ZNF804B: variants seen among roughly 807,000 people sequenced by gnomAD.
ZNF804B encodes the protein zinc finger 804B.
Under a neutral mutation model 101.4 loss-of-function variants are expected in ZNF804B, and 80 were observed. The observed-to-expected ratio is 0.79, with a 90% confidence interval of 0.66 to 0.95. ZNF804B has a LOEUF of 0.95. Among genes scored for constraint, ZNF804B ranks in the 40% least tolerant of loss-of-function variants. ZNF804B has a pLI of 0.00. For synonymous variants in ZNF804B, 622 were observed against 558.8 expected, an observed-to-expected ratio of 1.11 and a Z score of -1.59; for missense variants, 1,673 against 1,561.9, an observed-to-expected ratio of 1.07 and a Z score of -1.20.
chr7:88,930,258 A>T (rs746279419), intron 1 of ZNF804B, among the ~76,000 whole-genome samples: 10 of 151,970 alleles, frequency 6.6e-5, no homozygotes, highest in Non-Finnish European at 1.3e-4. Flanking sequence ...TTATTTGATT[A>T]TGTGTTGGGA....
chr7:88,812,573 A>T (rs1347095821), intron 1 of ZNF804B, among the ~76,000 whole-genome samples: 1 of 152,198 alleles, frequency 6.6e-6, no homozygotes, highest in Non-Finnish European at 1.5e-5. Flanking sequence ...CCATGTTTAT[A>T]CCAGCACTAT....
At chr7:88,944,437 A>C (rs971247239) in intron 1 of ZNF804B, among the ~76,000 whole-genome samples, 2 of 151,716 alleles carry the variant, frequency 1.3e-5, no homozygotes, top group Non-Finnish European at 1.5e-5. Context: ...ATTGTATTTT[A>C]AAATTTTATA....
At chr7:88,794,131 TA>T (rs754440087) in intron 1 of ZNF804B, 2 of 1,463,160 alleles carry the variant, frequency 1.4e-6, no homozygotes, top group Admixed American at 4.7e-5. Context: ...TTTTTTTATT[TA>T]AGTAGCACAA....
intron 1 of ZNF804B, among the ~76,000 whole-genome samples, chr7:89,009,433 T>C (rs995819442): frequency 6.6e-6 from 1 of 152,188 alleles, no homozygotes; most frequent in African/African-American, 2.4e-5. Flanking sequence ...ATTTAATACC[T>C]GTCAAATTGA....
chr7:89,066,614 T>G (rs1372827213), intron 1 of ZNF804B, among the ~76,000 whole-genome samples: 2 of 152,112 alleles, frequency 1.3e-5, no homozygotes, highest in East Asian at 3.9e-4. Flanking sequence ...AAAATTGTCT[T>G]TATATAAAAT....
chr7:88,772,357 A>G (rs189202902), intron 1 of ZNF804B, among the ~76,000 whole-genome samples: 1 of 152,288 alleles, frequency 6.6e-6, no homozygotes, highest in African/African-American at 2.4e-5. Context: ...TTGTTTTTAT[A>G]TATCACACTC....
chr7:89,225,124 T>A (rs1789067402), intron 2 of ZNF804B, among the ~76,000 whole-genome samples: 1 of 152,064 alleles, frequency 6.6e-6, no homozygotes, highest in Non-Finnish European at 1.5e-5. Context: ...GTAGGACATT[T>A]CCCTTTTACC....
At chr7:88,986,998 G>A (rs1391246839) in intron 1 of ZNF804B, among the ~76,000 whole-genome samples, 2 of 151,956 alleles carry the variant, frequency 1.3e-5, no homozygotes, top group African/African-American at 4.8e-5. Flanking sequence ...TTCTTTCTTT[G>A]GAGCCTGTTA....
At chr7:89,152,455 A>G (rs1164961632) in intron 1 of ZNF804B, among the ~76,000 whole-genome samples, 1 of 152,070 alleles carries the variant, frequency 6.6e-6, no homozygotes, top group Non-Finnish European at 1.5e-5. Flanking sequence ...AATTAAAATT[A>G]AAACATTTTT....
Position 89,335,946 on chromosome 7 carries a change from G to A in ZNF804B, c.2964G>A (p.Glu988=). 6.2e-7 allele frequency: 1 copy of A among 1,614,016 alleles called. No individual in the cohort carries two copies. The highest frequency in any genetic ancestry group is 8.5e-7 in the Non-Finnish European group (1 of 1,179,958). ...CTGAAAAAATACAGTATGCAAGTGA[G>A]AGCAGAAATGATCAAGACAGTGCAA... The part of the protein sequence containing the change: ...PLSEKIQYAS[E]SRNDQDSAIP... The change falls in exon 4 of 4, where the codon GAG becomes GAA. Residue 988 remains glutamate, a synonymous_variant. Transcript: ENST00000333190.
intron 1 of ZNF804B, among the ~76,000 whole-genome samples, chr7:88,938,824 G>A (rs1257994830): frequency 6.6e-6 from 1 of 151,834 alleles, no homozygotes; most frequent in Non-Finnish European, 1.5e-5. Flanking sequence ...GAAAAAACAA[G>A]ACTTAAGAAT....
At chr7:88,826,952 A>G (rs1791059251) in intron 1 of ZNF804B, among the ~76,000 whole-genome samples, 1 of 152,118 alleles carries the variant, frequency 6.6e-6, no homozygotes, top group Non-Finnish European at 1.5e-5. Flanking sequence ...CCAAGATAAA[A>G]CAGTTGTCCC....
intron 1 of ZNF804B, among the ~76,000 whole-genome samples, chr7:89,011,763 G>GC (rs932467647): frequency 6.6e-6 from 1 of 152,110 alleles, no homozygotes; most frequent in Non-Finnish European, 1.5e-5. Flanking sequence ...TGAGAGTACA[G>GC]CCCCCCTCGC....
chr7:89,116,774 T>G (rs1790318370), intron 1 of ZNF804B, among the ~76,000 whole-genome samples: 2 of 152,174 alleles, frequency 1.3e-5, no homozygotes, highest in South Asian at 4.1e-4. Flanking sequence ...GAGATATTTT[T>G]TACACGAATT....
Position 89,337,106 on chromosome 7 carries a change from C to A in ZNF804B, c.*74C>A. 1 of 1,391,248 alleles carries A rather than the reference C, an allele frequency of 7.2e-7. No individual in the cohort carries two copies. The highest frequency in any genetic ancestry group is 1.5e-5 in the South Asian group (1 of 67,648). 86.2% of individuals were successfully genotyped at this position (1,391,248 alleles called of 1,614,324 possible). A position where few individuals can be genotyped will look rare whatever the true frequency, so the allele number is the denominator to read the frequency against. ...TATAAAATCATACATTTAAAGAAGT[C>A]TGTCAATTATAAGATTTAAAATATT... On this transcript the variant is annotated 3_prime_UTR_variant, in exon 4 of 4. Coordinates refer to ENST00000333190, the MANE Select transcript of ZNF804B (RefSeq NM_181646.5).
chr7:88,997,026 A>G (rs1004879746), intron 1 of ZNF804B, among the ~76,000 whole-genome samples: 1 of 152,058 alleles, frequency 6.6e-6, no homozygotes, highest in African/African-American at 2.4e-5. Context: ...AGCATGTAAA[A>G]ATTGAATTAC....
intron 2 of ZNF804B, among the ~76,000 whole-genome samples, chr7:89,285,974 T>C (rs1360294074): frequency 1.7e-4 from 26 of 150,596 alleles, no homozygotes; most frequent in Admixed American, 1.7e-3. Context: ...AAGATTTTTA[T>C]GATGATCCAA....
At chr7:88,895,066 A>G (rs1433620688) in intron 1 of ZNF804B, among the ~76,000 whole-genome samples, 2 of 152,320 alleles carry the variant, frequency 1.3e-5, no homozygotes, top group East Asian at 1.9e-4. Context: ...AATCTCACTG[A>G]TGGGGGTATA....
At chr7:88,911,061 A>G (rs1162695230) in intron 1 of ZNF804B, among the ~76,000 whole-genome samples, 3 of 152,060 alleles carry the variant, frequency 2.0e-5, no homozygotes, top group Admixed American at 2.0e-4. Flanking sequence ...GTTGTTTTCA[A>G]TCAGGTCTTG....
Sources: allele counts gnomAD v4.1 joint callset (sites outside exome capture counted in the v4.1 genomes callset), GRCh38; gene constraint gnomAD v4.1.1; transcripts MANE v1.5; gene names NCBI Gene and HGNC (gene_info 2026-07-23, HGNC 2026-07-21).